Variants in OSBPL10 observed in about 807,000 individuals in gnomAD.
OSBPL10 encodes oxysterol binding protein like 10.
In OSBPL10, 49 loss-of-function variants were observed where a neutral mutation model predicts 81.7. That is an observed-to-expected ratio of 0.60 (90% CI 0.48 to 0.76). The LOEUF (loss-of-function observed/expected upper bound fraction) is 0.76. OSBPL10 is among the 30% of genes least tolerant of loss of function. The pLI is 0.00. For synonymous variants in OSBPL10, 419 were observed against 383.6 expected (o/e 1.09, Z -1.08); for missense variants, 923 against 987.8 (o/e 0.93, Z 0.88).
At chr3:31,985,461 T>G (rs1358681353), upstream of OSBPL10, among the ~76,000 whole-genome samples, 1 of 152,194 alleles carries the variant, frequency 6.6e-6, no homozygotes, top group African/African-American at 2.4e-5. Context: ...CTTGAAATAA[T>G]GGACAGAATC....
Position 31,668,788 on chromosome 3 carries a change from G to A in OSBPL10, c.1950C>T (p.Thr650=). The A allele has an allele frequency of 1.2e-6, 2 of 1,613,214 alleles. No homozygotes were observed. The highest frequency in any genetic ancestry group is 1.7e-6 in the Non-Finnish European group (2 of 1,179,382). The change falls in exon 10 of 12, where the codon ACC becomes ACT. Residue 650 remains threonine (T), a synonymous_variant. Transcript: ENST00000396556. ...TAEVKHNPTN[T]IVCKAHGEWN... is the part of the protein sequence containing the mutation. ...ATTCCCCATGGGCTTTACAAACAAT[G>A]GTGTTGGTTGGGTTGTGCTTCACTT... is the stretch of plus-strand genomic sequence containing the variant.
chr3:31,719,492 T>C (rs1696565553), intron 6 of OSBPL10, among the ~76,000 whole-genome samples: 1 of 152,022 alleles, frequency 6.6e-6, no homozygotes, highest in African/African-American at 2.4e-5. Flanking sequence ...TACATAATTA[T>C]AAAAAAGGAA....
At chr3:31,788,300 A>C (rs1352466930) in intron 4 of OSBPL10, among the ~76,000 whole-genome samples, 2 of 152,256 alleles carry the variant, frequency 1.3e-5, no homozygotes, top group East Asian at 3.8e-4. Flanking sequence ...TTTTGCCATA[A>C]TGTCATTTAA....
intron 2 of OSBPL10, 39 bp downstream of exon 2, chr3:31,879,616 T>G: frequency 6.4e-7 from 1 of 1,573,392 alleles, no homozygotes; most frequent in Non-Finnish European, 8.6e-7. Context: ...CCATAGCAAC[T>G]AGAGGCCTGT....
chr3:31,806,293 G>A (rs77228423), intron 4 of OSBPL10, among the ~76,000 whole-genome samples: 9 of 152,206 alleles, frequency 5.9e-5, no homozygotes, highest in Non-Finnish European at 1.0e-4. Context: ...TCAGGGACTT[G>A]TGTCCAAATC....
intron 7 of OSBPL10, among the ~76,000 whole-genome samples, chr3:31,690,998 C>T (rs1321265263): frequency 2.0e-5 from 3 of 151,790 alleles, no homozygotes; most frequent in Non-Finnish European, 4.4e-5. Context: ...GATACAGAGC[C>T]AAGGAGTGGT....
chr3:32,067,349 G>A (rs901446706), intron 1 of OSBPL10, among the ~76,000 whole-genome samples: 1 of 152,116 alleles, frequency 6.6e-6, no homozygotes, highest in African/African-American at 2.4e-5. Context: ...CTCTGTGGAG[G>A]GTCGTGTTCT....
chr3:31,720,701 C>G (rs1334313598), intron 6 of OSBPL10, among the ~76,000 whole-genome samples: 1 of 151,746 alleles, frequency 6.6e-6, no homozygotes, highest in African/African-American at 2.4e-5. Context: ...GAGTTCGAGA[C>G]CAGCCTGGGC....
chr3:31,716,429 C>T (rs1411400684), intron 6 of OSBPL10, among the ~76,000 whole-genome samples: 1 of 152,154 alleles, frequency 6.6e-6, no homozygotes, highest in Non-Finnish European at 1.5e-5. Context: ...AACAGCAACT[C>T]CCTTGCTCCT....
chr3:31,842,677 T>G (rs2125557973), intron 3 of OSBPL10, among the ~76,000 whole-genome samples: 1 of 152,336 alleles, frequency 6.6e-6, no homozygotes, highest in African/African-American at 2.4e-5. Context: ...CCAGAGACTC[T>G]ACTACCTGCT....
chr3:31,994,897 C>G (rs1699073288), intron 2 of OSBPL10, among the ~76,000 whole-genome samples: 1 of 151,992 alleles, frequency 6.6e-6, no homozygotes, highest in Admixed American at 6.6e-5. Flanking sequence ...AGAAAGAGTA[C>G]AAAGAGAGGA....
At chr3:31,964,362 G>C (rs1175843318) in intron 1 of OSBPL10, among the ~76,000 whole-genome samples, 1 of 152,082 alleles carries the variant, frequency 6.6e-6, no homozygotes, top group Non-Finnish European at 1.5e-5. Flanking sequence ...TAGCCAGGTT[G>C]CCCAGATTAG....
chr3:31,814,522 G>A (rs1020256263), intron 4 of OSBPL10, among the ~76,000 whole-genome samples: 2 of 152,136 alleles, frequency 1.3e-5, no homozygotes, highest in Non-Finnish European at 1.5e-5. Context: ...ACACCGATAC[G>A]CAGGGAGAAC....
intron 1 of OSBPL10, among the ~76,000 whole-genome samples, chr3:31,979,983 A>ATAATT: frequency 6.6e-6 from 1 of 150,938 alleles, no homozygotes; most frequent in South Asian, 2.1e-4. Flanking sequence ...CTTTCTTTTT[A>ATAATT]TTATTTTATT....
chr3:31,989,754 A>T (rs777218742), intron 2 of OSBPL10: 1 of 1,614,076 alleles, frequency 6.2e-7, no homozygotes, highest in African/African-American at 1.3e-5. Context: ...AAGTACACAT[A>T]AGAGAAAAAT....
chr3:32,047,582 G>A (rs1028332015), intron 1 of OSBPL10, among the ~76,000 whole-genome samples: 1 of 152,098 alleles, frequency 6.6e-6, no homozygotes. Context: ...AATGAGAAGT[G>A]AGGACAGCCA....
chr3:31,972,938 C>T (rs1698604743), intron 1 of OSBPL10, among the ~76,000 whole-genome samples: 2 of 152,112 alleles, frequency 1.3e-5, no homozygotes, highest in South Asian at 4.1e-4. Flanking sequence ...ATAATGTTTC[C>T]TAATTTTATC....
At chr3:31,792,709 GTGTT>G (rs1375735321) in intron 4 of OSBPL10, among the ~76,000 whole-genome samples, 1 of 150,440 alleles carries the variant, frequency 6.6e-6, no homozygotes, top group East Asian at 2.0e-4. Flanking sequence ...AGGGGTGTGT[GTGTT>G]TTACACTCTC....
Position 31,997,945 on chromosome 3 carries a change from G to A in OSBPL10, n.298+48546C>T, listed in dbSNP as rs142662989. ...TGGGACTATACAGGTATGCACCACC[G>A]TGCCCAGCTAATTTTGTTTTATTTT... On this transcript the variant is annotated intron_variant and non_coding_transcript_variant, in intron 2 of 3. Transcript: ENST00000479173. 3.8e-3 allele frequency among the ~76,000 whole-genome samples: 585 copies of A among 152,038 alleles called. 13 individuals are homozygous for A. Among genetic ancestry groups the A allele is most frequent in the Admixed American group, 0.033 (503 of 15,264 alleles).
Sources: allele counts gnomAD v4.1 joint callset (sites outside exome capture counted in the v4.1 genomes callset), GRCh38; gene constraint gnomAD v4.1.1; transcripts MANE v1.5; gene names NCBI Gene and HGNC (gene_info 2026-07-23, HGNC 2026-07-21).